The following ARID5B variants were observed in gnomAD, a reference collection of about 807,000 sequenced individuals.
The protein encoded by ARID5B is AT-rich interaction domain 5B, also known as AT-rich interactive domain-containing protein 5B.
In ARID5B, 13 loss-of-function variants were observed where a neutral mutation model predicts 97.2. The ratio of observed to expected loss-of-function variants is 0.13; its 90% CI spans 0.09 to 0.21. ARID5B has a LOEUF of 0.21. Among genes scored for constraint, ARID5B ranks in the 10% least tolerant of loss-of-function variants. ARID5B has a pLI of 1.00. For missense variants in ARID5B, 1,210 were observed against 1,465.3 expected (o/e 0.83, Z 2.84); for synonymous variants, 556 against 570.3 (o/e 0.97, Z 0.36).
intron 9 of ARID5B, among the ~76,000 whole-genome samples, chr10:62,089,846 T>A (rs1840345043): frequency 6.6e-6 from 1 of 152,002 alleles, no homozygotes; most frequent in Non-Finnish European, 1.5e-5. Flanking sequence ...GTTCAAGGGA[T>A]GAGATGGAAA....
chr10:62,053,872 A>G (rs887948238), intron 5 of ARID5B, among the ~76,000 whole-genome samples: 5 of 152,222 alleles, frequency 3.3e-5, no homozygotes, highest in African/African-American at 1.2e-4. Context: ...CCTCAGAACT[A>G]TTCCCAGGGA....
intron 2 of ARID5B, among the ~76,000 whole-genome samples, chr10:61,914,212 G>A (rs144199257): frequency 2.6e-5 from 4 of 152,304 alleles, no homozygotes; most frequent in African/African-American, 7.2e-5. Flanking sequence ...GAAAAGCTTC[G>A]CCAAAAGTTG....
intron 4 of ARID5B, among the ~76,000 whole-genome samples, chr10:62,034,380 T>G (rs1288860396): frequency 2.0e-5 from 3 of 152,226 alleles, no homozygotes; most frequent in Admixed American, 6.5e-5. Flanking sequence ...TAATAGCACT[T>G]GCCATCTCAG....
chr10:62,002,477 A>G (rs1234693029), intron 4 of ARID5B, among the ~76,000 whole-genome samples: 1 of 152,184 alleles, frequency 6.6e-6, no homozygotes, highest in Non-Finnish European at 1.5e-5. Flanking sequence ...TTGTACTTCA[A>G]ATAGTTTGTA....
Position 61,904,620 on chromosome 10 carries a change from C to A in ARID5B, c.276+2207C>A, listed in dbSNP as rs186813388. Among the ~76,000 whole-genome samples, 22 of 152,266 alleles carry A rather than the reference C, an allele frequency of 1.4e-4. No individual in the cohort carries two copies. In the East Asian group the frequency reaches 4.0e-3, roughly 28 times the overall value. On this transcript the variant is annotated intron_variant, in intron 2 of 9. Coordinates refer to ENST00000279873, the MANE Select transcript of ARID5B (RefSeq NM_032199.3). ...GGAGGGAGATGGCTCTATTTATAAT[C>A]CTCAGCTGCATATACATCGTCTAAT...
At chr10:62,060,075 T>A (rs1206659822) in intron 7 of ARID5B, among the ~76,000 whole-genome samples, 1 of 152,216 alleles carries the variant, frequency 6.6e-6, no homozygotes, top group Non-Finnish European at 1.5e-5. Context: ...CAGATTAAGT[T>A]GTGTAGTTTC....
At position 62,049,508 on chromosome 10, in the gene ARID5B, G is replaced by T. The variant is rs761524734; in HGVS notation, c.734-1380G>T. ...GGTAATCGCTACTTTCTCTTTGCTT[G>T]ATTTTTGTTTGTGAGCTTGTTTACC... On this transcript the variant is annotated intron_variant, in intron 4 of 9. Coordinates refer to ENST00000279873, the MANE Select transcript of ARID5B (RefSeq NM_032199.3). 3 of 1,550,392 alleles carry T rather than the reference G, an allele frequency of 1.9e-6. No homozygotes were observed. The Admixed American group carries it at 5.9e-5, about 30-fold the overall frequency.
intron 3 of ARID5B, among the ~76,000 whole-genome samples, chr10:61,976,667 G>A (rs1589242617): frequency 6.6e-6 from 1 of 152,180 alleles, no homozygotes; most frequent in Admixed American, 6.5e-5. Flanking sequence ...GCCAGCGGGA[G>A]AATGTTCATT....
intron 8 of ARID5B, among the ~76,000 whole-genome samples, chr10:62,076,519 G>A (rs546690511): frequency 3.1e-4 from 42 of 137,006 alleles, no homozygotes; most frequent in Non-Finnish European, 2.6e-4. Flanking sequence ...CCGAGATCAC[G>A]CCACCGCACT....
rs7475761 is a variant in ARID5B at position 61,923,202 on chromosome 10, G to A, written c.277-16981G>A. On this transcript the variant is annotated intron_variant, in intron 2 of 9. Transcript: ENST00000279873. ...ACCACGTTTCTCCCAGTGGCTTCAC[G>A]TGTGCTGTTCCTCTGCCCACAGTGT... Among the ~76,000 whole-genome samples, 1,518 of 152,172 alleles carry A rather than the reference G, an allele frequency of 1.0e-2. 46 individuals carry two copies. The highest frequency in any genetic ancestry group is 0.075 in the East Asian group (389 of 5,172).
At chr10:62,073,153 A>G (rs1165105159) in intron 8 of ARID5B, among the ~76,000 whole-genome samples, 1 of 152,196 alleles carries the variant, frequency 6.6e-6, no homozygotes, top group Admixed American at 6.5e-5. Context: ...TCTTCCTACT[A>G]GGCTGCGGGT....
At chr10:62,075,940 G>A (rs913545279) in intron 8 of ARID5B, among the ~76,000 whole-genome samples, 1 of 152,186 alleles carries the variant, frequency 6.6e-6, no homozygotes, top group Non-Finnish European at 1.5e-5. Context: ...CCCAATCGGT[G>A]TTTTTTGGAC....
intron 3 of ARID5B, among the ~76,000 whole-genome samples, chr10:61,986,322 T>A (rs560752033): frequency 6.6e-6 from 1 of 152,158 alleles, no homozygotes; most frequent in African/African-American, 2.4e-5. Flanking sequence ...TCTAAGCACA[T>A]GAAAGGGCTT....
chr10:62,027,960 G>A (rs908744553), intron 4 of ARID5B, among the ~76,000 whole-genome samples: 3 of 152,118 alleles, frequency 2.0e-5, no homozygotes, highest in African/African-American at 7.2e-5. Flanking sequence ...CAGCTTTATG[G>A]GAGGAAGGAG....
chr10:62,000,236 C>T lies in ARID5B; in HGVS notation c.648C>T (p.Val216=). 6.2e-7 allele frequency: 1 copy of T among 1,613,948 alleles called. No individual in the cohort carries two copies. The change falls in exon 4 of 10, where the codon GTC becomes GTT. Residue 216 remains valine, a synonymous_variant. Coordinates refer to ENST00000279873, the MANE Select transcript of ARID5B (RefSeq NM_032199.3). This position sits in a 1 kb window ranked among gnomAD's most constrained non-coding sequence, Gnocchi z 4.4. The part of the protein sequence containing the change: ...FALALGGIAV[V]SRNPQILYCR... ...TGGCCCTGGGGGGCATTGCAGTGGTCAGCAGGAACCCTCAGATCCTGTACT... is the reference window on the plus strand; with the variant it reads ...TGGCCCTGGGGGGCATTGCAGTGGTTAGCAGGAACCCTCAGATCCTGTACT...
At chr10:62,032,249 T>A (rs1233954402) in intron 4 of ARID5B, among the ~76,000 whole-genome samples, 2 of 151,592 alleles carry the variant, frequency 1.3e-5, no homozygotes, top group Non-Finnish European at 2.9e-5. Flanking sequence ...AGCCCAGGAG[T>A]TCAAGGTTAC....
At chr10:62,087,724 A>G (rs1286220941) in intron 9 of ARID5B, among the ~76,000 whole-genome samples, 2 of 152,178 alleles carry the variant, frequency 1.3e-5, no homozygotes, top group African/African-American at 2.4e-5. Context: ...CCATCTAGAC[A>G]TCAACTTACC....
intron 4 of ARID5B, among the ~76,000 whole-genome samples, chr10:62,013,677 T>G (rs903017242): frequency 6.6e-6 from 1 of 152,008 alleles, no homozygotes; most frequent in African/African-American, 2.4e-5. Flanking sequence ...TCTTGCAGTA[T>G]TTGTCTTTCT....
At position 61,945,629 on chromosome 10, in the gene ARID5B, A is replaced by T. The variant is rs959189624; in HGVS notation, c.502+5221A>T. On this transcript the variant is annotated intron_variant, in intron 3 of 9. Coordinates refer to ENST00000279873, the MANE Select transcript of ARID5B (RefSeq NM_032199.3). ...TTCTTAAATGATATATTGTTTATACATTCAGCTTTGTTTTGTCTAAAATGG... is the reference window on the plus strand; with the variant it reads ...TTCTTAAATGATATATTGTTTATACTTTCAGCTTTGTTTTGTCTAAAATGG... 5.9e-5 allele frequency among the ~76,000 whole-genome samples: 9 copies of T among 152,310 alleles called. No homozygotes were observed. In the East Asian group the frequency reaches 1.7e-3, roughly 29 times the overall value.
Sources: gnomAD v4.1 joint callset for allele counts (sites outside exome capture counted in the v4.1 genomes callset) on GRCh38, gnomAD v4.1.1 for gene constraint, Gnocchi (gnomAD v3.1) non-coding constraint, MANE v1.5 for transcripts, NCBI Gene and HGNC (gene_info 2026-07-23, HGNC 2026-07-21) for gene names.